Variants in TRMT11 observed in about 807,000 individuals in gnomAD.
TRMT11 encodes tRNA methyltransferase 11.
A neutral mutation model predicts 62.8 loss-of-function variants in TRMT11; 53 were observed. The observed-to-expected ratio is 0.84, with a 90% confidence interval of 0.68 to 1.06. The LOEUF (loss-of-function observed/expected upper bound fraction) is 1.06, where lower values mean the gene tolerates loss of function less well. TRMT11 is among the 50% of genes least tolerant of loss of function. The pLI is 0.00. For synonymous variants in TRMT11, 188 were observed against 190.3 expected, an observed-to-expected ratio of 0.99 and a Z score of 0.10; for missense variants, 556 against 553.4, an observed-to-expected ratio of 1.00 and a Z score of -0.05.
At chr6:126,271,162 G>A in the TRMT11 span, among the ~76,000 whole-genome samples, 4 of 151,694 alleles carry the variant, frequency 2.6e-5, no homozygotes, top group East Asian at 3.9e-4. Context: ...CCAGGAGTTC[G>A]AGACCAGACT....
chr6:126,099,234 G>A (rs1777370825), intron 17 of TRMT11, among the ~76,000 whole-genome samples: 1 of 152,194 alleles, frequency 6.6e-6, no homozygotes, highest in South Asian at 2.1e-4. Flanking sequence ...CCAGATTTCA[G>A]TAAATCTGTG....
intron 17 of TRMT11, among the ~76,000 whole-genome samples, chr6:126,110,883 T>A (rs1777523639): frequency 6.6e-6 from 1 of 152,138 alleles, no homozygotes; most frequent in African/African-American, 2.4e-5. Context: ...CTCTACTTAG[T>A]GGATTTATGT....
chr6:126,076,990 G>C lies in TRMT11; in HGVS notation c.*1437+23800G>C, dbSNP rs566578012. Among the ~76,000 whole-genome samples, 19 of 152,268 alleles carry C rather than the reference G, an allele frequency of 1.2e-4. No individual in the cohort carries two copies. In the East Asian group the frequency reaches 3.3e-3, roughly 26 times the overall value. ...TTTTGCAAATATCAAAAGTCAATCT[G>C]AGTAATGTTTTCTCTGGCCATGGCA... On this transcript the variant is annotated intron_variant and NMD_transcript_variant, in intron 17 of 22. Coordinates refer to the TRMT11 transcript ENST00000648977.
intron 8 of TRMT11, 76 bp from the exon 9 acceptor site, chr6:126,011,177 C>T (rs1794121701): frequency 4.6e-6 from 6 of 1,304,408 alleles, no homozygotes; most frequent in Non-Finnish European, 6.2e-6. Context: ...TGAGTTAAAA[C>T]ATTACTTTTC....
chr6:126,061,990 C>A (rs999837901), intron 17 of TRMT11, among the ~76,000 whole-genome samples: 1 of 152,204 alleles, frequency 6.6e-6, no homozygotes, highest in Non-Finnish European at 1.5e-5. Flanking sequence ...TCAATGGATC[C>A]CACCTCAGCC....
chr6:126,167,820 T>C (rs1309006828), intron 21 of TRMT11, among the ~76,000 whole-genome samples: 1 of 152,188 alleles, frequency 6.6e-6, no homozygotes, highest in Non-Finnish European at 1.5e-5. Context: ...CTCGGACATA[T>C]GTTTCTGGGT....
At chr6:125,993,992 A>G (rs918073938) in intron 2 of TRMT11, among the ~76,000 whole-genome samples, 170 bp downstream of exon 2, 14 of 152,190 alleles carry the variant, frequency 9.2e-5, no homozygotes. Flanking sequence ...TTTGTTAAGT[A>G]ATTTAGATTT....
chr6:126,107,578 A>C (rs911368313), intron 17 of TRMT11, among the ~76,000 whole-genome samples: 1 of 152,208 alleles, frequency 6.6e-6, no homozygotes, highest in Admixed American at 6.6e-5. Context: ...CATGCACAGC[A>C]GGCGAGTTTG....
At chr6:126,106,363 T>A (rs747123378) in intron 17 of TRMT11, among the ~76,000 whole-genome samples, 3 of 152,132 alleles carry the variant, frequency 2.0e-5, no homozygotes, top group Non-Finnish European at 4.4e-5. Context: ...CAGGCTGGTT[T>A]CGAACTCCTG....
intron 7 of TRMT11, among the ~76,000 whole-genome samples, chr6:126,002,908 TATC>T (rs1792756050): frequency 6.6e-6 from 1 of 152,160 alleles, no homozygotes; most frequent in African/African-American, 2.4e-5. Context: ...ACACAAAAGG[TATC>T]ATACTGTGTG....
chr6:126,255,549 A>G, the TRMT11 span, among the ~76,000 whole-genome samples: 1 of 152,226 alleles, frequency 6.6e-6, no homozygotes, highest in Admixed American at 6.5e-5. Context: ...TACATATCAA[A>G]TGCTCTTGCT....
upstream of TRMT11, among the ~76,000 whole-genome samples, chr6:126,172,706 A>G (rs1418183752): frequency 6.6e-6 from 1 of 152,134 alleles, no homozygotes; most frequent in Non-Finnish European, 1.5e-5. Flanking sequence ...AAATCTTTGC[A>G]AACTAGAGTC....
chr6:126,055,574 A>G (rs901190684), intron 17 of TRMT11, among the ~76,000 whole-genome samples: 4 of 152,238 alleles, frequency 2.6e-5, no homozygotes, highest in Non-Finnish European at 5.9e-5. Context: ...AAAAAACAAG[A>G]CTATACCACT....
chr6:126,049,837 G>A (rs985914236), intron 16 of TRMT11, among the ~76,000 whole-genome samples: 2 of 152,186 alleles, frequency 1.3e-5, no homozygotes. Flanking sequence ...GAGGAAAGAA[G>A]CACATTTCAG....
intron 2 of TRMT11, among the ~76,000 whole-genome samples, chr6:125,995,085 C>T (rs533743938): frequency 6.6e-6 from 1 of 152,200 alleles, no homozygotes; most frequent in South Asian, 2.1e-4. Context: ...CCATGGCACA[C>T]GTTTACCTAT....
At chr6:126,170,060 T>C (rs1034425199) in intron 21 of TRMT11, among the ~76,000 whole-genome samples, 1 of 152,098 alleles carries the variant, frequency 6.6e-6, no homozygotes, top group Non-Finnish European at 1.5e-5. Flanking sequence ...GCTGCTGTAT[T>C]TTCCTTTTAT....
intron 7 of TRMT11, among the ~76,000 whole-genome samples, chr6:126,003,409 G>T (rs1449903517): frequency 6.6e-6 from 1 of 152,026 alleles, no homozygotes; most frequent in Non-Finnish European, 1.5e-5. Context: ...TTACAAGTAG[G>T]ATTTCTGGGT....
At chr6:126,066,597 C>T (rs1343796931) in intron 17 of TRMT11, among the ~76,000 whole-genome samples, 1 of 152,132 alleles carries the variant, frequency 6.6e-6, no homozygotes, top group Non-Finnish European at 1.5e-5. Context: ...ACCTCTGAAA[C>T]CATCCCACTG....
the TRMT11 span, among the ~76,000 whole-genome samples, chr6:126,262,011 G>A: frequency 6.6e-6 from 1 of 152,230 alleles, no homozygotes; most frequent in Non-Finnish European, 1.5e-5. Flanking sequence ...ACAGCGAGGT[G>A]GGAAGTCCTG....
Sources: gnomAD v4.1 joint callset for allele counts (sites outside exome capture counted in the v4.1 genomes callset) on GRCh38, gnomAD v4.1.1 for gene constraint, MANE v1.5 for transcripts, NCBI Gene and HGNC (gene_info 2026-07-23, HGNC 2026-07-21) for gene names.